Variants in NEGR1 observed in about 807,000 individuals in gnomAD.
The protein encoded by NEGR1 is neuronal growth regulator 1.
A neutral mutation model predicts 40.9 loss-of-function variants in NEGR1; 10 were observed. The ratio of observed to expected loss-of-function variants is 0.24; its 90% CI spans 0.15 to 0.42. The LOEUF is 0.42. Among genes scored for constraint, NEGR1 ranks in the 10% least tolerant of loss-of-function variants. The pLI, the probability that NEGR1 is intolerant of heterozygous loss-of-function variation, is 1.00. For missense variants in NEGR1, 352 were observed against 438.9 expected (o/e 0.80, Z 1.77); for synonymous variants, 185 against 166.8 (o/e 1.11, Z -0.84).
chr1:72,136,588 C>A, intron 1 of NEGR1, among the ~76,000 whole-genome samples: 1 of 138,904 alleles, frequency 7.2e-6, no homozygotes, highest in South Asian at 2.5e-4. Flanking sequence ...CTCCACAGGT[C>A]TTAGCCAGCA....
chr1:72,093,203 T>G (rs1648561494), intron 1 of NEGR1, among the ~76,000 whole-genome samples: 1 of 151,850 alleles, frequency 6.6e-6, no homozygotes, highest in African/African-American at 2.4e-5. Flanking sequence ...TGGTGGTGCA[T>G]GCCTGTAGTC....
At chr1:71,894,584 C>T (rs1157198249) in intron 2 of NEGR1, among the ~76,000 whole-genome samples, 2 of 152,312 alleles carry the variant, frequency 1.3e-5, no homozygotes, top group East Asian at 1.9e-4. Flanking sequence ...TATTAAAATA[C>T]TGTTTGACAA....
chr1:71,663,706 C>T (rs1271442839), intron 4 of NEGR1, among the ~76,000 whole-genome samples: 1 of 152,106 alleles, frequency 6.6e-6, no homozygotes, highest in Non-Finnish European at 1.5e-5. Flanking sequence ...TCTGTCTTTG[C>T]CTATTTTTAA....
intron 6 of NEGR1, among the ~76,000 whole-genome samples, chr1:71,417,050 T>C (rs1293111876): frequency 6.6e-6 from 1 of 152,174 alleles, no homozygotes; most frequent in Admixed American, 6.5e-5. Flanking sequence ...GTATTCTGAT[T>C]CTCTGTGCTT....
intron 3 of NEGR1, 21 bp downstream of exon 3, chr1:71,776,151 A>C (rs763576020): frequency 6.2e-7 from 1 of 1,601,572 alleles, no homozygotes; most frequent in Admixed American, 1.7e-5. Flanking sequence ...CACAAACAAC[A>C]CTAATGCATT....
At chr1:72,200,640 A>C (rs1453243961) in intron 1 of NEGR1, among the ~76,000 whole-genome samples, 1 of 151,932 alleles carries the variant, frequency 6.6e-6, no homozygotes, top group African/African-American at 2.4e-5. Context: ...CCCAAACCTA[A>C]AGTAAAAGTA....
intron 1 of NEGR1, among the ~76,000 whole-genome samples, chr1:72,085,415 T>A (rs1297036659): frequency 6.6e-6 from 1 of 152,196 alleles, no homozygotes; most frequent in Non-Finnish European, 1.5e-5. Context: ...AGCCAATTAT[T>A]GAGTCTGCTT....
chr1:71,538,503 A>T (rs1236344784), intron 6 of NEGR1, among the ~76,000 whole-genome samples: 1 of 151,688 alleles, frequency 6.6e-6, no homozygotes, highest in Non-Finnish European at 1.5e-5. Context: ...ACTCCCAGTC[A>T]TTGTGGAGTG....
intron 3 of NEGR1, among the ~76,000 whole-genome samples, chr1:71,736,908 C>G (rs1655056652): frequency 6.6e-6 from 1 of 152,116 alleles, no homozygotes; most frequent in South Asian, 2.1e-4. Flanking sequence ...ACTAAAAATG[C>G]CAACTGGTAT....
intron 1 of NEGR1, among the ~76,000 whole-genome samples, chr1:72,243,508 G>T (rs140357373): frequency 6.6e-6 from 1 of 151,836 alleles, no homozygotes; most frequent in African/African-American, 2.4e-5. Flanking sequence ...GAAATAAAAA[G>T]AATGATTTAT....
At chr1:71,844,689 A>G (rs12119732) in intron 2 of NEGR1, among the ~76,000 whole-genome samples, 7,833 of 152,298 alleles carry the variant, frequency 0.051, 254 homozygotes, top group South Asian at 0.073. Context: ...ACTACGCCTC[A>G]GGCTTGATAA....
At chr1:72,060,808 G>T in intron 1 of NEGR1, among the ~76,000 whole-genome samples, 1 of 151,542 alleles carries the variant, frequency 6.6e-6, no homozygotes, top group East Asian at 1.9e-4. Context: ...CAGACTTCTG[G>T]TCATTAAGCA....
At chr1:71,662,319 T>G (rs1652087439) in intron 4 of NEGR1, among the ~76,000 whole-genome samples, 1 of 152,180 alleles carries the variant, frequency 6.6e-6, no homozygotes, top group South Asian at 2.1e-4. Context: ...GGCATAGATG[T>G]TTTTGTTATT....
chr1:71,783,065 A>G (rs999879972), intron 2 of NEGR1, among the ~76,000 whole-genome samples: 4 of 151,802 alleles, frequency 2.6e-5, no homozygotes, highest in African/African-American at 9.7e-5. Flanking sequence ...ATGTATGTGC[A>G]TATTATTTCT....
At chr1:71,904,670 C>A (rs1212159867) in intron 2 of NEGR1, among the ~76,000 whole-genome samples, 1 of 152,156 alleles carries the variant, frequency 6.6e-6, no homozygotes, top group East Asian at 1.9e-4. Context: ...GCTTATACAA[C>A]TGCCTGTTTC....
chr1:72,068,939 T>C (rs1173940544), intron 1 of NEGR1, among the ~76,000 whole-genome samples: 1 of 152,142 alleles, frequency 6.6e-6, no homozygotes, highest in Admixed American at 6.6e-5. Flanking sequence ...TAAGGATATA[T>C]ATTAAACAAG....
At chr1:72,045,372 T>TA (rs1322218001) in intron 1 of NEGR1, among the ~76,000 whole-genome samples, 1 of 151,774 alleles carries the variant, frequency 6.6e-6, no homozygotes, top group Non-Finnish European at 1.5e-5. Context: ...TATCCATAGA[T>TA]ATGGTTGGGC....
At chr1:71,568,426 C>G (rs945564187) in intron 6 of NEGR1, among the ~76,000 whole-genome samples, 1 of 152,116 alleles carries the variant, frequency 6.6e-6, no homozygotes, top group Admixed American at 6.5e-5. Flanking sequence ...GGAAGAAGGC[C>G]AGGCTTCCAG....
rs551177670 is a variant in NEGR1, at chr1:72,107,295, T to C, written c.177-171984A>G. 3.0e-3 allele frequency among the ~76,000 whole-genome samples: 454 copies of C among 151,830 alleles called. 4 individuals carry two copies. The highest frequency in any genetic ancestry group is 0.011 in the African/African-American group (439 of 41,528). On this transcript the variant is annotated intron_variant, in intron 1 of 6. Transcript: ENST00000357731. ...CAAACTTCATGGTAAGTCCTATTTA[T>C]ACCGTGGAGTCTATCTAACTACTGG...
Sources: allele counts gnomAD v4.1 joint callset (sites outside exome capture counted in the v4.1 genomes callset), GRCh38; gene constraint gnomAD v4.1.1; transcripts MANE v1.5; gene names NCBI Gene and HGNC (gene_info 2026-07-23, HGNC 2026-07-21).